EXOC7: variants seen among roughly 807,000 people sequenced by gnomAD.
EXOC7 encodes the protein exocyst complex component Exo70.
In EXOC7, 51 loss-of-function variants were observed where a neutral mutation model predicts 87.6. The ratio of observed to expected loss-of-function variants is 0.58; its 90% CI spans 0.46 to 0.73. The LOEUF is 0.73. Ranked by LOEUF, EXOC7 falls within the 30% of genes least tolerant of loss-of-function variation. EXOC7 has a pLI of 0.00. For synonymous variants in EXOC7, 327 were observed against 357.1 expected, an observed-to-expected ratio of 0.92 and a Z score of 0.95; for missense variants, 744 against 888.4, an observed-to-expected ratio of 0.84 and a Z score of 2.07.
chr17:76,102,884 AG>A (rs1376791671), intron 2 of EXOC7, among the ~76,000 whole-genome samples: 13 of 152,168 alleles, frequency 8.5e-5, no homozygotes, highest in Non-Finnish European at 1.6e-4. Context: ...GTTACCTATC[AG>A]GAGCCGCACA....
rs79555714 is a variant in EXOC7 at position 76,102,028 on chromosome 17, T to C, written c.127-165A>G. On this transcript the variant is annotated intron_variant, in intron 2 of 18. Transcript: ENST00000589210. The stretch of plus-strand genomic sequence containing the variant: ...TTCCCCACTGTATCTTCAGCACCTA[T>C]CATGTGCCTGGCATATAGTAGGTGG... Among the ~76,000 whole-genome samples the C allele has an allele frequency of 3.1e-3, 465 of 152,234 alleles. 3 individuals are homozygous for C. The highest frequency in any genetic ancestry group is 4.4e-3 in the Non-Finnish European group (297 of 68,010).
intron 15 of EXOC7, 37 bp from the exon 16 acceptor site, chr17:76,084,617 G>A (rs751571143): frequency 6.3e-7 from 1 of 1,597,148 alleles, no homozygotes; most frequent in East Asian, 2.2e-5. Flanking sequence ...GGCAGAGGGT[G>A]GCCTGCCTCA....
In EXOC7 at chr17:76,087,669, T is replaced by C. The variant is rs138305534; in HGVS notation, c.1414A>G (p.Met472Val). The change falls in exon 12 of 19, where the codon ATG (methionine) becomes GTG (valine). Residue 472 changes from methionine (M) to valine (V), a missense_variant. Met to Val is a conservative substitution (Grantham distance 21, BLOSUM62 1). Around this residue, in one of 3 missense-constraint regions of EXOC7, gnomAD observed 228 missense variants for 298.6 expected, o/e 0.76. Coordinates refer to ENST00000589210, the MANE Select transcript of EXOC7 (RefSeq NM_001013839.4). ...LLDFQETAGA[M>V]LASQETSSSA... ...GTACCAGTACCTTGGGAGGCCAGCA[T>C]GGCGCCTGCCGTCTCCTGGAAGTCC... The C allele has an allele frequency of 1.3e-6, 2 of 1,551,314 alleles. No individual in the cohort carries two copies. Among genetic ancestry groups the C allele is most frequent in the Non-Finnish European group, 1.7e-6 (2 of 1,147,002 alleles).
intron 7 of EXOC7, chr17:76,090,557 C>T (rs1289516315): frequency 3.1e-5 from 43 of 1,375,840 alleles, no homozygotes; most frequent in Non-Finnish European, 4.2e-5. Flanking sequence ...CCCTCCTCTA[C>T]CTCAAGCCAC....
At chr17:76,085,873 C>CGT (rs1487059124) in intron 13 of EXOC7, 76 bp from the exon 14 acceptor site, 1 of 1,566,638 alleles carries the variant, frequency 6.4e-7, no homozygotes, top group African/African-American at 1.4e-5. Flanking sequence ...CCCGCGAACG[C>CGT]GCTCCTATCC....
At chr17:76,091,031 C>A in intron 7 of EXOC7, 112 bp downstream of exon 7, 1 of 913,914 alleles carries the variant, frequency 1.1e-6, no homozygotes, top group Admixed American at 1.9e-5. Flanking sequence ...CGTTCCCACC[C>A]TGCTCCCCTC....
chr17:76,081,106 G>A lies in EXOC7; in HGVS notation c.*2542C>T. ...CCTTCAACTGGAGACAATTTGGGAT[G>A]TTGCAAAACAAGGTTTGGGAAGCCC... On this transcript the variant is annotated 3_prime_UTR_variant, in exon 19 of 19. Transcript: ENST00000589210. 2 of 793,708 alleles carry A rather than the reference G, an allele frequency of 2.5e-6. No homozygotes were observed. Among genetic ancestry groups the A allele is most frequent in the Admixed American group, 2.7e-5 (1 of 36,846 alleles). 49.2% of individuals were successfully genotyped at this position (793,708 alleles called of 1,614,324 possible).
Position 76,082,410 on chromosome 17 carries a change from C to A in EXOC7, c.*1238G>T. 1 of 1,519,912 alleles carries A rather than the reference C, an allele frequency of 6.6e-7. No homozygotes were observed. The highest frequency in any genetic ancestry group is 1.3e-5 in the South Asian group (1 of 77,818). 94.2% of individuals were successfully genotyped at this position (1,519,912 alleles called of 1,614,324 possible). On this transcript the variant is annotated 3_prime_UTR_variant, in exon 19 of 19. Transcript: ENST00000589210. ...GACCCCTGGGGTTCGCTCTTCCGCT[C>A]ATGTTGAGGGGACCTTGAAGAACAG... is the stretch of plus-strand genomic sequence containing the variant.
At chr17:76,087,141 A>C in intron 12 of EXOC7, 1 of 478,638 alleles carries the variant, frequency 2.1e-6, no homozygotes, top group Non-Finnish European at 3.8e-6. Context: ...CTTGCCCCCA[A>C]AATGGGACGG....
chr17:76,089,993 G>A (rs2067401527), intron 7 of EXOC7, among the ~76,000 whole-genome samples: 1 of 152,252 alleles, frequency 6.6e-6, no homozygotes, highest in Non-Finnish European at 1.5e-5. Flanking sequence ...TATGTGCCAA[G>A]GGATGGGCTC....
chr17:76,103,221 G>T, intron 2 of EXOC7, 140 bp downstream of exon 2: 1 of 737,416 alleles, frequency 1.4e-6, no homozygotes, highest in South Asian at 1.6e-5. Flanking sequence ...ATGCCAAACT[G>T]TTGCTAGATA....
intron 4 of EXOC7, among the ~76,000 whole-genome samples, chr17:76,100,758 A>G (rs2068019911): frequency 6.6e-6 from 1 of 152,078 alleles, no homozygotes; most frequent in African/African-American, 2.4e-5. Flanking sequence ...AAGGCGGGGG[A>G]TCATCTGAGG....
In EXOC7 at chr17:76,086,073, C is replaced by G. The variant is rs778611563; in HGVS notation, c.1495+7G>C. 1 of 1,613,500 alleles carries G rather than the reference C, an allele frequency of 6.2e-7. No individual in the cohort carries two copies. Among genetic ancestry groups the G allele is most frequent in the Non-Finnish European group, 8.5e-7 (1 of 1,179,982 alleles). On this transcript the variant is annotated splice_region_variant and intron_variant, in intron 13 of 18. Coordinates refer to ENST00000589210, the MANE Select transcript of EXOC7 (RefSeq NM_001013839.4). Reference sequence around the variant, plus strand: ...AGGGCTGCTGGTCTGCCCGGGAGAACACTCACAGATATAGGTGCTTAGCAG... The same window carrying G: ...AGGGCTGCTGGTCTGCCCGGGAGAAGACTCACAGATATAGGTGCTTAGCAG...
At chr17:76,088,986 G>A (rs1425736744) in intron 8 of EXOC7, 63 bp from the exon 9 acceptor site, 2 of 1,560,720 alleles carry the variant, frequency 1.3e-6, no homozygotes, top group Non-Finnish European at 1.7e-6. Flanking sequence ...CTGGGCTAGT[G>A]GGGGATCCTT....
Position 76,089,234 on chromosome 17 carries a change from G to A in EXOC7, c.988C>T (p.Leu330=). ...TGCTCGGGGATGATGTCGGCCAGCA[G>A]CTGGTACTCGCTCTGCGCCAGCTTG... ...FVKLAQSEYQ[L]LADIIPEHHQ... is the part of the protein sequence containing the mutation. Residue 330 remains leucine (L), a synonymous_variant, in exon 8 of 19, where the codon CTG becomes TTG. Transcript: ENST00000589210. 2 of 1,614,130 alleles carry A rather than the reference G, an allele frequency of 1.2e-6. No individual in the cohort carries two copies. Among genetic ancestry groups the A allele is most frequent in the South Asian group, 1.1e-5 (1 of 91,086 alleles).
At position 76,087,655 on chromosome 17, in the gene EXOC7, T is replaced by G. The variant is rs1443075247; in HGVS notation, c.1428A>C (p.Gln476His). 3 of 1,551,002 alleles carry G rather than the reference T, an allele frequency of 1.9e-6. No individual in the cohort carries two copies. The highest frequency in any genetic ancestry group is 1.2e-5 in the South Asian group (1 of 84,068). ...QETAGAMLAS[Q>H]ETSSSATSYS... ...GGCCCAACTGGGAGGTACCAGTACC[T>G]TGGGAGGCCAGCATGGCGCCTGCCG... Residue 476 changes from glutamine to histidine, a missense_variant and splice_region_variant, in exon 12 of 19, where the codon CAA becomes CAC. Gln to His is a conservative substitution (Grantham distance 24). Coordinates refer to ENST00000589210, the MANE Select transcript of EXOC7 (RefSeq NM_001013839.4).
chr17:76,084,619 C>G (rs755549560), intron 15 of EXOC7, 39 bp from the exon 16 acceptor site: 7 of 1,593,724 alleles, frequency 4.4e-6, no homozygotes. Flanking sequence ...CAGAGGGTGG[C>G]CTGCCTCAGT....
rs1363396159 is a variant in EXOC7 at position 76,082,550 on chromosome 17, T to G, written c.*1098A>C. Reference sequence around the variant, plus strand: ...TTCCTCGTGTATGTGGTTGGGGTGCTGTGCACCCAATTCGTCTTTGCAGGA... The same window carrying G: ...TTCCTCGTGTATGTGGTTGGGGTGCGGTGCACCCAATTCGTCTTTGCAGGA... On this transcript the variant is annotated 3_prime_UTR_variant, in exon 19 of 19. Coordinates refer to ENST00000589210, the MANE Select transcript of EXOC7 (RefSeq NM_001013839.4). 6.2e-7 allele frequency: 1 copy of G among 1,613,792 alleles called. No individual in the cohort carries two copies. Among genetic ancestry groups the G allele is most frequent in the South Asian group, 1.1e-5 (1 of 91,082 alleles).
rs917452161 is a variant in EXOC7, at chr17:76,091,320, C to G, written c.809-85G>C. 2.0e-4 allele frequency: 222 copies of G among 1,105,252 alleles called. 1 individual carries two copies. Among genetic ancestry groups the G allele is most frequent in the Admixed American group, 8.6e-4 (49 of 56,920 alleles). The allele number at this position is 1,105,252 out of a possible 1,614,324, so 68.5% of individuals were successfully genotyped here. A position where few individuals can be genotyped will look rare whatever the true frequency, so the allele number is the denominator to read the frequency against. On this transcript the variant is annotated intron_variant, in intron 6 of 18. Transcript: ENST00000589210. ...CAGCAGCGGCCCTCCACCTGCCCCC[C>G]AGGCCCCGCACCCAGCTCCCCAACA... is the stretch of plus-strand genomic sequence containing the variant.
Sources: allele counts gnomAD v4.1 joint callset (sites outside exome capture counted in the v4.1 genomes callset), GRCh38; gene constraint gnomAD v4.1.1; regional missense constraint gnomAD v4.1.1; transcripts MANE v1.5; gene names NCBI Gene and HGNC (gene_info 2026-07-23, HGNC 2026-07-21).